The following PTPRG variants were observed in gnomAD, a reference collection of about 807,000 sequenced individuals.
PTPRG encodes the protein protein tyrosine phosphatase receptor type G.
A neutral mutation model predicts 165.3 loss-of-function variants in PTPRG; 102 were observed. The ratio of observed to expected loss-of-function variants is 0.62; its 90% CI spans 0.53 to 0.73. The LOEUF (loss-of-function observed/expected upper bound fraction) is 0.73, where lower values mean the gene tolerates loss of function less well. PTPRG is among the 30% of genes least tolerant of loss of function. The probability of loss-of-function intolerance (pLI) is 0.00; values close to 1 mark genes in which losing one functional copy is unlikely to be tolerated. For synonymous variants in PTPRG, 675 were observed against 669.5 expected (o/e 1.01, Z -0.13); for missense variants, 1,866 against 1,861.4 (o/e 1.00, Z -0.05).
intron 2 of PTPRG, among the ~76,000 whole-genome samples, chr3:61,939,129 G>T (rs542010517): frequency 6.6e-6 from 1 of 152,278 alleles, no homozygotes; most frequent in East Asian, 1.9e-4. Flanking sequence ...TTTGGATCCC[G>T]TTCAAACTGG....
At chr3:61,960,419 A>G (rs2040124714) in intron 2 of PTPRG, among the ~76,000 whole-genome samples, 1 of 152,052 alleles carries the variant, frequency 6.6e-6, no homozygotes, top group African/African-American at 2.4e-5. Context: ...TGCCAGGAAC[A>G]TGGCACTCTG....
chr3:62,265,947 C>G (rs1701860635), intron 17 of PTPRG, among the ~76,000 whole-genome samples: 1 of 95,738 alleles, frequency 1.0e-5, no homozygotes, highest in Non-Finnish European at 2.4e-5. Context: ...ACCAGAGCAT[C>G]CTTTACTTCT....
chr3:62,079,895 C>T (rs1701506789), intron 5 of PTPRG, among the ~76,000 whole-genome samples: 1 of 152,172 alleles, frequency 6.6e-6, no homozygotes, highest in Admixed American at 6.5e-5. Flanking sequence ...GCTCCTGGAA[C>T]ATAGCGGACA....
At chr3:62,091,234 C>T (rs1701917931) in intron 5 of PTPRG, among the ~76,000 whole-genome samples, 1 of 152,192 alleles carries the variant, frequency 6.6e-6, no homozygotes, top group Non-Finnish European at 1.5e-5. Flanking sequence ...GAGGGTGCTT[C>T]AGATCTGATT....
intron 1 of PTPRG, among the ~76,000 whole-genome samples, chr3:61,688,159 C>A (rs1157018493): frequency 1.3e-5 from 2 of 152,146 alleles, no homozygotes; most frequent in Non-Finnish European, 2.9e-5. Flanking sequence ...CACTCTTCGA[C>A]AGAGAGAGAC....
chr3:61,610,770 CCTACCTCCCTCCCTCTCTCT>C (rs1701144096), intron 1 of PTPRG, among the ~76,000 whole-genome samples: 2 of 129,092 alleles, frequency 1.5e-5, no homozygotes, highest in African/African-American at 5.7e-5. Flanking sequence ...TCCCTCCCTC[CCTACCTCCCTCCCTCTCTCT>C]CTCCATCTCT....
rs1168665265 is a variant in PTPRG at position 62,271,309 on chromosome 3, G to A, written c.3010-74G>A. On this transcript the variant is annotated intron_variant, in intron 20 of 29. Coordinates refer to ENST00000474889, the MANE Select transcript of PTPRG (RefSeq NM_002841.4). The surrounding 1 kb of genome is among the most constrained non-coding windows in gnomAD (Gnocchi z 4.1). ...AATGTGATCAGTGGTCATGTGTCCT[G>A]ACACCCTTACATTATTTTTTTCCAG... 1.7e-5 allele frequency: 23 copies of A among 1,316,664 alleles called. No individual in the cohort carries two copies. Among genetic ancestry groups the A allele is most frequent in the Non-Finnish European group, 2.3e-5 (22 of 945,348 alleles). 81.6% of individuals were successfully genotyped at this position (1,316,664 alleles called of 1,614,324 possible).
In PTPRG at chr3:62,190,612, G is replaced by A. The variant is rs935852379; in HGVS notation, c.1034-857G>A. ...ACACCCCACGTCAGGATAATTACAC[G>A]GGGTTCTGCTGTTCCAGAGAAAGTC... On this transcript the variant is annotated intron_variant, in intron 8 of 29. Coordinates refer to ENST00000474889, the MANE Select transcript of PTPRG (RefSeq NM_002841.4). This position sits in a 1 kb window ranked among gnomAD's most constrained non-coding sequence, Gnocchi z 5.2. Among the ~76,000 whole-genome samples, 3 of 152,162 alleles carry A rather than the reference G, an allele frequency of 2.0e-5. No homozygotes were observed. The highest frequency in any genetic ancestry group is 4.8e-5 in the African/African-American group (2 of 41,422).
intron 1 of PTPRG, among the ~76,000 whole-genome samples, chr3:61,633,081 T>G (rs1701812812): frequency 6.6e-6 from 1 of 152,220 alleles, no homozygotes. Context: ...TAGGGAGACT[T>G]CCCTGATCTT....
intron 12 of PTPRG, among the ~76,000 whole-genome samples, chr3:62,215,145 C>G (rs1367874455): frequency 1.3e-5 from 2 of 152,106 alleles, no homozygotes; most frequent in Admixed American, 1.3e-4. Context: ...TCCTGAAGAG[C>G]CTTGCTTTCC....
At chr3:62,144,775 T>C (rs1704059130) in intron 6 of PTPRG, among the ~76,000 whole-genome samples, 3 of 152,198 alleles carry the variant, frequency 2.0e-5, no homozygotes, top group African/African-American at 7.2e-5. Context: ...ACTTCTTTTC[T>C]TAGCCAGGAA....
At chr3:61,741,097 A>T (rs547161049) in intron 1 of PTPRG, among the ~76,000 whole-genome samples, 1 of 152,354 alleles carries the variant, frequency 6.6e-6, no homozygotes, top group African/African-American at 2.4e-5. Flanking sequence ...GCATAAAAAA[A>T]GATTTTCATT....
chr3:61,846,591 G>C lies in PTPRG; in HGVS notation c.190+97609G>C, dbSNP rs1022795070. On this transcript the variant is annotated intron_variant, in intron 2 of 29. Coordinates refer to ENST00000474889, the MANE Select transcript of PTPRG (RefSeq NM_002841.4). ...AGCTTGCCACAGTACCTAGAACACA[G>C]CAAGCTCTTGGTAAAAGCACAGTGA... Among the ~76,000 whole-genome samples the C allele has an allele frequency of 9.2e-5, 14 of 152,306 alleles. No homozygotes were observed. The East Asian group carries it at 2.7e-3, about 29-fold the overall frequency.
chr3:62,137,694 T>C (rs1450277823), intron 6 of PTPRG, among the ~76,000 whole-genome samples: 1 of 152,066 alleles, frequency 6.6e-6, no homozygotes, highest in African/African-American at 2.4e-5. Context: ...GGGAAGTGCT[T>C]TGGAGCTTCT....
At position 62,197,411 on chromosome 3, in the gene PTPRG, G is replaced by C. The variant is rs1279748154; in HGVS notation, c.1327+2241G>C. 2.6e-5 allele frequency among the ~76,000 whole-genome samples: 4 copies of C among 152,124 alleles called. No homozygotes were observed. The South Asian group carries it at 8.3e-4, about 32-fold the overall frequency. On this transcript the variant is annotated intron_variant, in intron 10 of 29. Transcript: ENST00000474889. Reference sequence around the variant, plus strand: ...TCCATTTAGTATTTAAATATTCTTTGCTAATGTTCACATTGATCTCATCCT... The same window carrying C: ...TCCATTTAGTATTTAAATATTCTTTCCTAATGTTCACATTGATCTCATCCT...
At chr3:61,755,307 C>T (rs1026766050) in intron 2 of PTPRG, among the ~76,000 whole-genome samples, 2 of 152,136 alleles carry the variant, frequency 1.3e-5, no homozygotes, top group Admixed American at 6.6e-5. Context: ...TGCGCCCAGC[C>T]CTAATAGAGA....
intron 2 of PTPRG, among the ~76,000 whole-genome samples, chr3:61,805,799 A>G (rs578009162): frequency 6.6e-6 from 1 of 152,334 alleles, no homozygotes; most frequent in East Asian, 1.9e-4. Flanking sequence ...ATTCTTACCT[A>G]GAGCAAAACT....
At chr3:62,127,537 C>T (rs984372117) in intron 5 of PTPRG, among the ~76,000 whole-genome samples, 2 of 152,180 alleles carry the variant, frequency 1.3e-5, no homozygotes, top group African/African-American at 4.8e-5. Context: ...TCCTCTGCAG[C>T]CATGGTTAAC....
chr3:61,997,394 A>G (rs2041064501), intron 3 of PTPRG, among the ~76,000 whole-genome samples: 1 of 152,146 alleles, frequency 6.6e-6, no homozygotes, highest in Non-Finnish European at 1.5e-5. Flanking sequence ...CAGACTGCTC[A>G]CTGTCCGTGC....
Sources: gnomAD v4.1 joint callset for allele counts (sites outside exome capture counted in the v4.1 genomes callset) on GRCh38, gnomAD v4.1.1 for gene constraint, Gnocchi (gnomAD v3.1) non-coding constraint, MANE v1.5 for transcripts, NCBI Gene and HGNC (gene_info 2026-07-23, HGNC 2026-07-21) for gene names.